The following AFF3 variants were observed in gnomAD, a reference collection of about 807,000 sequenced individuals.
The protein encoded by AFF3 is AF4/FMR2 family member 3.
AFF3 carries 32 observed loss-of-function variants against 129.7 expected under a neutral mutation model. The ratio of observed to expected loss-of-function variants is 0.25; its 90% CI spans 0.19 to 0.33. The LOEUF (loss-of-function observed/expected upper bound fraction) is 0.33. AFF3 is among the 10% of genes least tolerant of loss of function. The pLI is 1.00. For synonymous variants in AFF3, 644 were observed against 635.4 expected (o/e 1.01, Z -0.20); for missense variants, 1,373 against 1,592.0 (o/e 0.86, Z 2.34).
intron 8 of AFF3, among the ~76,000 whole-genome samples, chr2:99,817,930 A>G (rs955835196): frequency 1.3e-5 from 2 of 152,214 alleles, no homozygotes; most frequent in Admixed American, 6.5e-5. Flanking sequence ...GTAAAAAAAC[A>G]AAGTTTATAA....
chr2:99,788,763 C>T (rs1475511823), intron 8 of AFF3, among the ~76,000 whole-genome samples: 2 of 152,220 alleles, frequency 1.3e-5, no homozygotes, highest in Non-Finnish European at 1.5e-5. Flanking sequence ...CACTCACTGA[C>T]TCACCCAGAG....
intron 4 of AFF3, among the ~76,000 whole-genome samples, chr2:100,066,243 T>C (rs1434326973): frequency 6.6e-6 from 1 of 152,160 alleles, no homozygotes; most frequent in Admixed American, 6.5e-5. Flanking sequence ...CATTTTACTG[T>C]TTACTTTGGA....
chr2:99,958,957 C>G (rs1676942055), intron 7 of AFF3, among the ~76,000 whole-genome samples: 1 of 151,780 alleles, frequency 6.6e-6, no homozygotes, highest in African/African-American at 2.4e-5. Flanking sequence ...ATAAAAAATA[C>G]AAAAATTAGC....
At chr2:99,765,401 T>G (rs1440177155) in intron 8 of AFF3, among the ~76,000 whole-genome samples, 2 of 152,220 alleles carry the variant, frequency 1.3e-5, no homozygotes, top group Non-Finnish European at 2.9e-5. Context: ...ATAAAACCCC[T>G]GTCGCAATTG....
intron 11 of AFF3, among the ~76,000 whole-genome samples, chr2:99,722,940 T>C (rs1679032775): frequency 6.6e-6 from 1 of 152,200 alleles, no homozygotes. Context: ...TATATAAACA[T>C]AGTTCTCACT....
At chr2:99,967,291 C>G (rs1047670763) in intron 7 of AFF3, among the ~76,000 whole-genome samples, 13 of 151,750 alleles carry the variant, frequency 8.6e-5, no homozygotes, top group African/African-American at 2.9e-4. Context: ...TTGACCACCC[C>G]CCCGCCCCCA....
chr2:99,943,881 G>T (rs778388993), intron 7 of AFF3, among the ~76,000 whole-genome samples: 2 of 151,650 alleles, frequency 1.3e-5, no homozygotes, highest in Non-Finnish European at 2.9e-5. Context: ...ACTGAGACTA[G>T]TTGATAATTT....
chr2:99,748,674 T>C (rs559415780), intron 9 of AFF3, among the ~76,000 whole-genome samples: 87 of 152,346 alleles, frequency 5.7e-4, no homozygotes, highest in African/African-American at 2.0e-3. Flanking sequence ...TTGACTCTAA[T>C]GTTTTTGCTA....
intron 2 of AFF3, chr2:100,107,563 T>G (rs1173561959): frequency 1.1e-6 from 1 of 949,074 alleles, no homozygotes; most frequent in East Asian, 1.2e-4. Context: ...GACCTGAGGG[T>G]CTTTTCTCCC....
At chr2:99,675,650 G>T (rs1057144973) in intron 11 of AFF3, among the ~76,000 whole-genome samples, 1 of 152,158 alleles carries the variant, frequency 6.6e-6, no homozygotes, top group Non-Finnish European at 1.5e-5. Context: ...GCCTAAGGAG[G>T]GGCTGAAGTT....
intron 11 of AFF3, among the ~76,000 whole-genome samples, chr2:99,694,578 C>G (rs761641028): frequency 1.3e-5 from 2 of 152,160 alleles, no homozygotes; most frequent in African/African-American, 4.8e-5. Flanking sequence ...CCACCCCACA[C>G]GCTGAATCAT....
intron 7 of AFF3, among the ~76,000 whole-genome samples, chr2:99,928,569 A>G (rs1230543763): frequency 6.6e-6 from 1 of 152,178 alleles, no homozygotes; most frequent in Non-Finnish European, 1.5e-5. Flanking sequence ...GCTGCCATGG[A>G]TGAAAGACTC....
chr2:99,962,468 C>G (rs533742822), intron 7 of AFF3, among the ~76,000 whole-genome samples: 2 of 152,076 alleles, frequency 1.3e-5, no homozygotes, highest in South Asian at 2.1e-4. Flanking sequence ...AATGATGACA[C>G]AAGACTTTTA....
In AFF3 at chr2:99,991,711, T is replaced by G. The variant is rs374394740; in HGVS notation, c.873+14921A>C. On this transcript the variant is annotated intron_variant, in intron 7 of 24. Coordinates refer to ENST00000672756, the MANE Select transcript of AFF3 (RefSeq NM_001386135.1). The stretch of plus-strand genomic sequence containing the variant: ...TGAGGTCAGGAGTTCGAGAGCAGCC[T>G]GGCCAACATGGTGAAACCCCGTGTC... Among the ~76,000 whole-genome samples, 48 of 152,264 alleles carry G rather than the reference T, an allele frequency of 3.2e-4. 1 individual carries two copies. The East Asian group carries it at 7.1e-3, about 23-fold the overall frequency.
chr2:99,919,118 T>C (rs1373098779), intron 7 of AFF3, among the ~76,000 whole-genome samples: 2 of 152,148 alleles, frequency 1.3e-5, no homozygotes, highest in Non-Finnish European at 2.9e-5. Flanking sequence ...TAGTACAGAA[T>C]CATCTCCCTC....
intron 11 of AFF3, chr2:99,707,457 C>G: frequency 1.0e-6 from 1 of 985,268 alleles, no homozygotes; most frequent in Non-Finnish European, 1.2e-6. Context: ...CATTTCAGCA[C>G]GAGGCAAACA....
intron 7 of AFF3, among the ~76,000 whole-genome samples, chr2:99,967,293 C>T (rs1404800454): frequency 6.6e-6 from 1 of 151,772 alleles, no homozygotes; most frequent in East Asian, 1.9e-4. Context: ...GACCACCCCC[C>T]CGCCCCCAAG....
intron 7 of AFF3, among the ~76,000 whole-genome samples, chr2:99,843,337 C>T (rs1425419323): frequency 2.6e-5 from 4 of 152,230 alleles, no homozygotes; most frequent in Admixed American, 2.6e-4. Flanking sequence ...GGGCTTCACT[C>T]TGCTCCCAAT....
intron 7 of AFF3, among the ~76,000 whole-genome samples, chr2:99,885,347 C>T (rs1473034896): frequency 1.3e-5 from 2 of 152,182 alleles, no homozygotes; most frequent in South Asian, 2.1e-4. Context: ...TGCATTCCCT[C>T]CTGTCTCACA....
Sources: gnomAD v4.1 joint callset for allele counts (sites outside exome capture counted in the v4.1 genomes callset) on GRCh38, gnomAD v4.1.1 for gene constraint, MANE v1.5 for transcripts, NCBI Gene and HGNC (gene_info 2026-07-23, HGNC 2026-07-21) for gene names.